Variants in TEKT1 observed in about 807,000 individuals in gnomAD.
The protein encoded by TEKT1 is tektin 1.
Under a neutral mutation model 34.8 loss-of-function variants are expected in TEKT1, and 32 were observed. The observed-to-expected ratio is 0.92, with a 90% CI of 0.69 to 1.23. The LOEUF (loss-of-function observed/expected upper bound fraction) is 1.23, where lower values mean the gene tolerates loss of function less well. TEKT1 is among the 50% of genes most tolerant of loss of function. The pLI is 0.00. For synonymous variants in TEKT1, 207 were observed against 199.8 expected, an observed-to-expected ratio of 1.04 and a Z score of -0.30; for missense variants, 492 against 518.5, an observed-to-expected ratio of 0.95 and a Z score of 0.50.
Position 6,830,292 on chromosome 17 carries a change from C to T in TEKT1, c.85G>A (p.Ala29Thr), listed in dbSNP as rs550094579. The stretch of plus-strand genomic sequence containing the variant: ...AGGCGTTCTGATCGGGACCTTTGAG[C>T]GTCTGCTCTGTGGTACTGGTTCTTG... ...ANKNQYHRAD[A>T]QRSRSERLVA... Residue 29 changes from alanine to threonine, a missense_variant, in exon 2 of 8, where the codon GCT becomes ACT. Physicochemically the swap from Ala to Thr is moderately conservative, Grantham distance 58 (BLOSUM62 0). Coordinates refer to ENST00000338694, the MANE Select transcript of TEKT1 (RefSeq NM_053285.2). 13 of 1,613,518 alleles carry T rather than the reference C, an allele frequency of 8.1e-6. No homozygotes were observed. The highest frequency in any genetic ancestry group is 5.0e-5 in the Admixed American group (3 of 59,760).
chr17:6,825,755 A>G (rs183638372), intron 2 of TEKT1, among the ~76,000 whole-genome samples: 160 of 152,350 alleles, frequency 1.1e-3, no homozygotes, highest in Middle Eastern at 3.4e-3. Flanking sequence ...TGTACTCAGC[A>G]TCTTACTAAG....
chr17:6,803,262 G>C (rs1976800834), intron 6 of TEKT1, among the ~76,000 whole-genome samples: 1 of 152,088 alleles, frequency 6.6e-6, no homozygotes, highest in African/African-American at 2.4e-5. Flanking sequence ...ATCTTCTTTT[G>C]AGAAGTGTCT....
chr17:6,831,031 G>A (rs1904560381), intron 1 of TEKT1, among the ~76,000 whole-genome samples: 1 of 149,720 alleles, frequency 6.7e-6, no homozygotes, highest in East Asian at 1.9e-4. Context: ...AGAAGAAGGA[G>A]GAGGAGGAGG....
At chr17:6,801,707 C>T (rs928814904) in intron 6 of TEKT1, among the ~76,000 whole-genome samples, 1 of 150,860 alleles carries the variant, frequency 6.6e-6, no homozygotes, top group African/African-American at 2.4e-5. Context: ...GACTCCGCCT[C>T]AGAAAAAAAA....
rs142563968 is a variant in TEKT1, at chr17:6,800,065, C to G, written c.1219G>C (p.Val407Leu). The G allele has an allele frequency of 1.2e-3, 1,999 of 1,612,308 alleles. 3 individuals are homozygous for G. The highest frequency in any genetic ancestry group is 1.5e-3 in the Non-Finnish European group (1,779 of 1,180,012). Reference protein sequence around the residue: ...IPLRDGEDHGVWAGGLRPDAV... With the variant: ...IPLRDGEDHGLWAGGLRPDAV... ...TCAGGGCGGAGGCCCCCAGCCCAGA[C>G]CCCATGGTCTTCCCCATCCCGAAGT... The change falls in exon 8 of 8, where the codon GTC (valine) becomes CTC (leucine). Residue 407 changes from valine to leucine, a missense_variant. Coordinates refer to ENST00000338694, the MANE Select transcript of TEKT1 (RefSeq NM_053285.2).
At position 6,812,993 on chromosome 17, in the gene TEKT1, C is replaced by T. The variant is rs140516155; in HGVS notation, c.690G>A (p.Lys230=). ...TCAGCATCAGGGAGTTGTTCCGCTG[C>T]TTGTCAGCCTTCTCCACATTGGTGC... The part of the protein sequence containing the change: ...FSSTNVEKAD[K]QRNNSLMLKA... The change falls in exon 6 of 8, where the codon AAG becomes AAA. Residue 230 remains lysine (K), a synonymous_variant. Coordinates refer to ENST00000338694, the MANE Select transcript of TEKT1 (RefSeq NM_053285.2). The T allele has an allele frequency of 9.6e-5, 155 of 1,614,098 alleles. No individual in the cohort carries two copies. The highest frequency in any genetic ancestry group is 2.0e-5 in the Non-Finnish European group (24 of 1,180,052).
At chr17:6,810,208 A>G (rs186935413) in intron 6 of TEKT1, among the ~76,000 whole-genome samples, 1 of 152,116 alleles carries the variant, frequency 6.6e-6, no homozygotes, top group African/African-American at 2.4e-5. Flanking sequence ...TTAATTTGCA[A>G]TTCCCTAATG....
intron 7 of TEKT1, 96 bp downstream of exon 7, chr17:6,800,651 G>C: frequency 7.8e-6 from 11 of 1,407,708 alleles, no homozygotes; most frequent in Non-Finnish European, 1.1e-5. Context: ...GAGCAGGCTG[G>C]CTTCATTCAC....
chr17:6,810,245 A>G (rs1976909117), intron 6 of TEKT1, among the ~76,000 whole-genome samples: 5 of 152,116 alleles, frequency 3.3e-5, no homozygotes, highest in Admixed American at 3.3e-4. Context: ...ATCTTTTCGT[A>G]TGCTTACTTG....
intron 3 of TEKT1, among the ~76,000 whole-genome samples, chr17:6,817,659 C>G (rs998173065): frequency 2.0e-5 from 3 of 152,104 alleles, no homozygotes; most frequent in Non-Finnish European, 4.4e-5. Flanking sequence ...ACGTTTTGCT[C>G]TTTTTCAACC....
intron 2 of TEKT1, among the ~76,000 whole-genome samples, chr17:6,828,899 C>A (rs1904484821): frequency 6.6e-6 from 1 of 151,990 alleles, no homozygotes; most frequent in Non-Finnish European, 1.5e-5. Context: ...TGCCTGTAAT[C>A]CCAGACTTTG....
chr17:6,813,031 A>C lies in TEKT1; in HGVS notation c.652T>G (p.Leu218Val), dbSNP rs1976950352. 5 of 1,614,018 alleles carry C rather than the reference A, an allele frequency of 3.1e-6. No homozygotes were observed. Among genetic ancestry groups the C allele is most frequent in the Non-Finnish European group, 4.2e-6 (5 of 1,179,970 alleles). Residue 218 changes from leucine (L) to valine (V), a missense_variant, in exon 6 of 8, where the codon TTG becomes GTG. Transcript: ENST00000338694. ...TCCACATTGGTGCTGGAGAAGTCCA[A>C]CCAGTCTTCCAGACTCACGGAGCTG... is the stretch of plus-strand genomic sequence containing the variant. The part of the protein sequence containing the change: ...EPNSVSLEDW[L>V]DFSSTNVEKA...
intron 6 of TEKT1, among the ~76,000 whole-genome samples, chr17:6,802,014 T>C (rs1976780431): frequency 6.6e-6 from 1 of 152,218 alleles, no homozygotes; most frequent in Admixed American, 6.5e-5. Flanking sequence ...AATATTTGAG[T>C]GTGTATTTCT....
At chr17:6,817,505 A>G (rs769597264) in intron 3 of TEKT1, among the ~76,000 whole-genome samples, 24 of 152,284 alleles carry the variant, frequency 1.6e-4, no homozygotes, top group Middle Eastern at 3.4e-3. Context: ...TAATATATAA[A>G]CATTCTTTCT....
At chr17:6,802,866 C>T (rs1039905854) in intron 6 of TEKT1, among the ~76,000 whole-genome samples, 2 of 152,176 alleles carry the variant, frequency 1.3e-5, no homozygotes, top group African/African-American at 4.8e-5. Context: ...CGTTGTTGGA[C>T]ATTTGGGTTG....
chr17:6,826,738 CAGGCTGG>C (rs1253009581), intron 2 of TEKT1, among the ~76,000 whole-genome samples: 3 of 151,358 alleles, frequency 2.0e-5, no homozygotes, highest in Non-Finnish European at 2.9e-5. Flanking sequence ...CTCTGTCACC[CAGGCTGG>C]AGTGCAGTGG....
intron 6 of TEKT1, among the ~76,000 whole-genome samples, chr17:6,805,132 C>T (rs1456113428): frequency 6.6e-6 from 1 of 152,166 alleles, no homozygotes; most frequent in African/African-American, 2.4e-5. Flanking sequence ...ACTATTGCCT[C>T]AATTTCAGAG....
intron 5 of TEKT1, among the ~76,000 whole-genome samples, chr17:6,813,278 CA>C (rs1413830057): frequency 2.0e-5 from 3 of 152,140 alleles, no homozygotes; most frequent in Non-Finnish European, 4.4e-5. Context: ...ATTTAATCCT[CA>C]TGATGGCCAA....
At chr17:6,801,957 A>AC (rs1453356068) in intron 6 of TEKT1, among the ~76,000 whole-genome samples, 1 of 152,200 alleles carries the variant, frequency 6.6e-6, no homozygotes, top group Admixed American at 6.5e-5. Context: ...TAGTTATTTT[A>AC]AAACTAATCC....
Sources: allele counts gnomAD v4.1 joint callset (sites outside exome capture counted in the v4.1 genomes callset), GRCh38; gene constraint gnomAD v4.1.1; transcripts MANE v1.5; gene names NCBI Gene and HGNC (gene_info 2026-07-23, HGNC 2026-07-21).